TFDP1: variants seen among roughly 807,000 people sequenced by gnomAD.
TFDP1 encodes transcription factor Dp-1.
Under a neutral mutation model 48.0 loss-of-function variants are expected in TFDP1, and 6 were observed. The observed-to-expected ratio is 0.13, with a 90% CI of 0.07 to 0.25. The LOEUF is 0.25. Ranked by LOEUF, TFDP1 falls within the 10% of genes least tolerant of loss-of-function variation. The probability of loss-of-function intolerance (pLI) is 1.00; values close to 1 mark genes in which losing one functional copy is unlikely to be tolerated. For synonymous variants in TFDP1, 201 were observed against 211.6 expected (o/e 0.95, Z 0.44); for missense variants, 335 against 543.0 (o/e 0.62, Z 3.81).
chr13:113,591,672 A>G (rs960161920), intron 2 of TFDP1, among the ~76,000 whole-genome samples: 2 of 152,224 alleles, frequency 1.3e-5, no homozygotes, highest in African/African-American at 4.8e-5. Flanking sequence ...TGCAGTTGAT[A>G]TTTAGCTTGA....
chr13:113,608,877 C>G (rs1046354639), intron 2 of TFDP1, among the ~76,000 whole-genome samples: 3 of 152,208 alleles, frequency 2.0e-5, no homozygotes, highest in African/African-American at 7.2e-5. Context: ...CTTTTTCTAA[C>G]TGGCCGTACC....
chr13:113,593,312 G>T (rs1456516563), intron 2 of TFDP1, among the ~76,000 whole-genome samples: 2 of 134,758 alleles, frequency 1.5e-5, no homozygotes, highest in East Asian at 2.3e-4. Flanking sequence ...GACAGGTGTG[G>T]TGTGCGCAGG....
At chr13:113,588,603 G>A (rs747558320) in intron 2 of TFDP1, among the ~76,000 whole-genome samples, 12 of 152,240 alleles carry the variant, frequency 7.9e-5, no homozygotes, top group Non-Finnish European at 1.8e-4. Flanking sequence ...AGCTACACAC[G>A]AGGGAGGAGA....
rs2048696921 is a variant in TFDP1, at chr13:113,611,047, C to T, written c.64C>T (p.Leu22Phe). The T allele has an allele frequency of 6.2e-7, 1 of 1,614,142 alleles. No individual in the cohort carries two copies. Among genetic ancestry groups the T allele is most frequent in the Non-Finnish European group, 8.5e-7 (1 of 1,179,978 alleles). ...GELKVFIDQN[L>F]SPGKGVVSLV... ...ACTCAAGGTCTTCATAGACCAGAACCTTAGTCCCGGGAAAGGTAAGGGCAC... is the reference window on the plus strand; with the variant it reads ...ACTCAAGGTCTTCATAGACCAGAACTTTAGTCCCGGGAAAGGTAAGGGCAC... Residue 22 changes from leucine to phenylalanine, a missense_variant, in exon 3 of 12, where the codon CTT becomes TTT. By Grantham distance (22) the Leu-to-Phe change is conservative. Around this residue, in one of 3 missense-constraint regions of TFDP1, gnomAD observed 103 missense variants for 140.4 expected, o/e 0.73. Transcript: ENST00000375370.
rs1018778334 is a variant in TFDP1, at chr13:113,627,982, C to T, written c.187-3641C>T. Reference sequence around the variant, plus strand: ...GTTGGTCTCGGGCAAGGTGGACCTCCGGCAGGTCCTCTACTGTGGGATGCT... The same window carrying T: ...GTTGGTCTCGGGCAAGGTGGACCTCTGGCAGGTCCTCTACTGTGGGATGCT... On this transcript the variant is annotated intron_variant, in intron 4 of 11. Transcript: ENST00000375370. The surrounding 1 kb of genome is among the most constrained non-coding windows in gnomAD (Gnocchi z 4.1). Among the ~76,000 whole-genome samples, 5 of 152,126 alleles carry T rather than the reference C, an allele frequency of 3.3e-5. No homozygotes were observed. The East Asian group carries it at 5.8e-4, about 18-fold the overall frequency.
chr13:113,612,093 G>A (rs1203621066), intron 3 of TFDP1, among the ~76,000 whole-genome samples: 1 of 152,186 alleles, frequency 6.6e-6, no homozygotes, highest in Non-Finnish European at 1.5e-5. Context: ...CATGGCTCTG[G>A]GGCGTGGGAG....
chr13:113,609,805 A>C (rs1053125432), intron 2 of TFDP1, among the ~76,000 whole-genome samples: 3 of 152,094 alleles, frequency 2.0e-5, no homozygotes, highest in Non-Finnish European at 4.4e-5. Flanking sequence ...GCTGCCCCCC[A>C]GCCCCACTGC....
intron 4 of TFDP1, among the ~76,000 whole-genome samples, chr13:113,626,517 G>A (rs894948526): frequency 1.3e-4 from 19 of 149,202 alleles, no homozygotes; most frequent in Non-Finnish European, 2.4e-4. Flanking sequence ...CCTGCGCCCC[G>A]CTTCCCCGCA....
intron 11 of TFDP1, among the ~76,000 whole-genome samples, chr13:113,639,402 C>T (rs2049585655): frequency 6.6e-6 from 1 of 152,206 alleles, no homozygotes; most frequent in Non-Finnish European, 1.5e-5. Flanking sequence ...ACAAGTACCT[C>T]ATGAAAGGAC....
chr13:113,631,442 G>A (rs4150773), intron 4 of TFDP1, among the ~76,000 whole-genome samples, 181 bp from the exon 5 acceptor site: 1,946 of 152,286 alleles, frequency 0.013, 21 homozygotes, highest in Admixed American at 0.019. Context: ...CAGAACCGGT[G>A]GGGTGATGCC....
intron 11 of TFDP1, 130 bp from the exon 12 acceptor site, chr13:113,639,990 G>A (rs1457662952): frequency 7.5e-6 from 5 of 669,662 alleles, no homozygotes; most frequent in Non-Finnish European, 1.3e-5. Context: ...CAGCCTCCCC[G>A]TTCTGTTTGT....
chr13:113,619,500 AG>A (rs2048945758), intron 3 of TFDP1, among the ~76,000 whole-genome samples: 1 of 150,462 alleles, frequency 6.6e-6, no homozygotes, highest in African/African-American at 2.4e-5. Flanking sequence ...AAAAAAAAAA[AG>A]AAGAAGCCCA....
intron 3 of TFDP1, 30 bp downstream of exon 3, chr13:113,611,092 G>T: frequency 1.3e-6 from 2 of 1,584,846 alleles, no homozygotes; most frequent in South Asian, 1.1e-5. Context: ...ACACACTCTT[G>T]TGTTGATGAA....
chr13:113,616,067 G>C (rs2048849324), intron 3 of TFDP1, among the ~76,000 whole-genome samples: 2 of 151,958 alleles, frequency 1.3e-5, no homozygotes, highest in Admixed American at 1.3e-4. Flanking sequence ...GTGGGGCGCT[G>C]TGGTACACGC....
At chr13:113,617,292 G>A (rs1422577484) in intron 3 of TFDP1, among the ~76,000 whole-genome samples, 1 of 152,216 alleles carries the variant, frequency 6.6e-6, no homozygotes, top group Non-Finnish European at 1.5e-5. Context: ...ATGTCTCCAT[G>A]GAGCGGGTGC....
At chr13:113,588,033 A>G (rs774327002) in intron 2 of TFDP1, among the ~76,000 whole-genome samples, 7 of 151,882 alleles carry the variant, frequency 4.6e-5, no homozygotes, top group Non-Finnish European at 1.0e-4. Context: ...TTTTGTTAGT[A>G]GACACGGGGT....
chr13:113,631,557 G>T lies in TFDP1; in HGVS notation c.187-66G>T, dbSNP rs375566424. 9 of 1,553,862 alleles carry T rather than the reference G, an allele frequency of 5.8e-6. No homozygotes were observed. In the South Asian group the frequency reaches 1.1e-4, roughly 19 times the overall value. ...CAGTGGCTGCGGATAGCGAACAGATGGTGGGCATGGCACCCTCGCCGTGTG... is the reference window on the plus strand; with the variant it reads ...CAGTGGCTGCGGATAGCGAACAGATTGTGGGCATGGCACCCTCGCCGTGTG... On this transcript the variant is annotated intron_variant, in intron 4 of 11. Coordinates refer to ENST00000375370, the MANE Select transcript of TFDP1 (RefSeq NM_007111.5).
chr13:113,614,964 G>T (rs922741679), intron 3 of TFDP1, among the ~76,000 whole-genome samples: 3 of 152,176 alleles, frequency 2.0e-5, no homozygotes, highest in African/African-American at 7.2e-5. Context: ...GAGCTCCGCG[G>T]CAAGTTCTCG....
intron 3 of TFDP1, among the ~76,000 whole-genome samples, chr13:113,615,783 C>T (rs1308369502): frequency 1.3e-5 from 2 of 152,286 alleles, no homozygotes; most frequent in South Asian, 2.1e-4. Context: ...TGGCGCATGT[C>T]TATAGATAGT....
Sources: allele counts gnomAD v4.1 joint callset (sites outside exome capture counted in the v4.1 genomes callset), GRCh38; gene constraint gnomAD v4.1.1; regional missense constraint gnomAD v4.1.1; non-coding constraint Gnocchi (gnomAD v3.1); transcripts MANE v1.5; gene names NCBI Gene and HGNC (gene_info 2026-07-23, HGNC 2026-07-21).